The following TRPM7 variants were observed in gnomAD, a reference collection of about 807,000 sequenced individuals.
TRPM7 encodes transient receptor potential cation channel subfamily M member 7.
A neutral mutation model predicts 229.7 loss-of-function variants in TRPM7; 134 were observed. The ratio of observed to expected loss-of-function variants is 0.58; its 90% confidence interval spans 0.51 to 0.67. The LOEUF (loss-of-function observed/expected upper bound fraction) is 0.67, where lower values mean the gene tolerates loss of function less well. TRPM7 is among the 30% of genes least tolerant of loss of function. The probability of loss-of-function intolerance (pLI) is 0.00; values close to 1 mark genes in which losing one functional copy is unlikely to be tolerated. For missense variants in TRPM7, 1,901 were observed against 2,210.0 expected (o/e 0.86, Z 2.80); for synonymous variants, 699 against 715.2 (o/e 0.98, Z 0.36).
chr15:50,666,592 T>C (rs2140938618), intron 1 of TRPM7, among the ~76,000 whole-genome samples: 1 of 151,558 alleles, frequency 6.6e-6, no homozygotes, highest in South Asian at 2.1e-4. Flanking sequence ...TCACCTGACG[T>C]TGGGAGTTCG....
chr15:50,612,012 C>G (rs1231737127), intron 16 of TRPM7, among the ~76,000 whole-genome samples: 1 of 152,246 alleles, frequency 6.6e-6, no homozygotes, highest in Non-Finnish European at 1.5e-5. Flanking sequence ...TCCAACTTCA[C>G]TTCCACCCTT....
chr15:50,624,861 G>C lies in TRPM7; in HGVS notation c.1306-561C>G, dbSNP rs114798247. ...ATTTCATCATAGTTTTTGTTCTACA[G>C]TGAATTTTCCAAAAATACAACCATC... is the stretch of plus-strand genomic sequence containing the variant. On this transcript the variant is annotated intron_variant, in intron 11 of 38. Transcript: ENST00000646667. Among the ~76,000 whole-genome samples the C allele has an allele frequency of 2.6e-3, 400 of 152,278 alleles. 1 individual carries two copies. The highest frequency in any genetic ancestry group is 9.2e-3 in the African/African-American group (384 of 41,554).
chr15:50,655,893 G>C (rs1250929795), intron 3 of TRPM7, among the ~76,000 whole-genome samples: 1 of 152,044 alleles, frequency 6.6e-6, no homozygotes, highest in Non-Finnish European at 1.5e-5. Flanking sequence ...GGGAGGCTGA[G>C]GCAGGAGAAT....
intron 20 of TRPM7, among the ~76,000 whole-genome samples, chr15:50,606,791 G>A (rs538512042): frequency 4.6e-5 from 7 of 152,124 alleles, no homozygotes; most frequent in Admixed American, 1.3e-4. Context: ...GAGCCACCGC[G>A]CCTGGCCTAA....
intron 13 of TRPM7, among the ~76,000 whole-genome samples, chr15:50,615,163 CAAAAAAAAAAAAA>C (rs71124383): frequency 6.3e-5 from 6 of 94,582 alleles, no homozygotes; most frequent in Non-Finnish European, 1.1e-4. Flanking sequence ...GACTTTGTCT[CAAAAAAAAAAAAA>C]AAAAAAAAAA....
At chr15:50,675,328 A>C (rs2062070249) in intron 1 of TRPM7, among the ~76,000 whole-genome samples, 1 of 151,652 alleles carries the variant, frequency 6.6e-6, no homozygotes, top group Admixed American at 6.6e-5. Flanking sequence ...AGGCGACAAG[A>C]GCAAAATTCC....
intron 5 of TRPM7, among the ~76,000 whole-genome samples, chr15:50,643,109 T>TAAAACCTC (rs1362708778): frequency 3.9e-5 from 6 of 152,060 alleles, no homozygotes; most frequent in African/African-American, 1.4e-4. Context: ...ACCAATATGG[T>TAAAACCTC]GAAACCTCGT....
In TRPM7 at chr15:50,611,200, C is replaced by T. The variant is rs367798471; in HGVS notation, c.2173G>A (p.Ala725Thr). 2 of 1,613,804 alleles carry T rather than the reference C, an allele frequency of 1.2e-6. No individual in the cohort carries two copies. The highest frequency in any genetic ancestry group is 1.7e-6 in the Non-Finnish European group (2 of 1,179,940). Reference protein sequence around the residue: ...NWSNSTCLKLAVSSRLRPFVA... With the variant: ...NWSNSTCLKLTVSSRLRPFVA... Reference sequence around the variant, plus strand: ...AAAGGTCTAAGTCTTGAAGAAACTGCTAACTTAAGGCAGGTTGAATTACTC... The same window carrying T: ...AAAGGTCTAAGTCTTGAAGAAACTGTTAACTTAAGGCAGGTTGAATTACTC... The change falls in exon 17 of 39, where the codon GCA becomes ACA. Residue 725 changes from alanine to threonine, a missense_variant. Ala to Thr is a moderately conservative substitution (Grantham distance 58). Around this residue, in one of 8 missense-constraint regions of TRPM7, gnomAD observed 794 missense variants for 881.9 expected, o/e 0.90. Transcript: ENST00000646667.
chr15:50,662,326 CAAAA>C (rs34002511), intron 2 of TRPM7, among the ~76,000 whole-genome samples: 1 of 124,670 alleles, frequency 8.0e-6, no homozygotes, highest in Admixed American at 8.4e-5. Context: ...GACTCTGTTC[CAAAA>C]AAAAAAAAAA....
Position 50,632,999 on chromosome 15 carries a change from T to C in TRPM7, c.1008-7A>G. 1 of 1,578,378 alleles carries C rather than the reference T, an allele frequency of 6.3e-7. No homozygotes were observed. The highest frequency in any genetic ancestry group is 8.5e-7 in the Non-Finnish European group (1 of 1,169,858). On this transcript the variant is annotated splice_polypyrimidine_tract_variant and splice_region_variant and intron_variant, in intron 8 of 38. Coordinates refer to ENST00000646667, the MANE Select transcript of TRPM7 (RefSeq NM_017672.6). ...TGCTGCATCAGGAAGATTCCTGGAA[T>C]AAAAGGAAACATAATTCACTGATTT...
rs774514187 is a variant in TRPM7, at chr15:50,604,949, T to C, written c.2905A>G (p.Ile969Val). Residue 969 changes from isoleucine to valine, a missense_variant, in exon 21 of 39, where the codon ATA becomes GTA. By Grantham distance (29) the Ile-to-Val change is conservative (BLOSUM62 3). Transcript: ENST00000646667. The stretch of plus-strand genomic sequence containing the variant: ...AGCAAACGCACATACCAAAATATTA[T>C]GTTAAGACAGTAAATTAATCTTCCA... Reference protein sequence around the residue: ...VAGRLIYCLNIIFWYVRLLDF... With the variant: ...VAGRLIYCLNVIFWYVRLLDF... 2.5e-6 allele frequency: 4 copies of C among 1,613,810 alleles called. No homozygotes were observed. Among genetic ancestry groups the C allele is most frequent in the African/African-American group, 2.7e-5 (2 of 74,930 alleles).
Position 50,592,182 on chromosome 15 carries a change from A to G in TRPM7, c.4053T>C (p.Ser1351=). 6.2e-7 allele frequency: 1 copy of G among 1,614,168 alleles called. No homozygotes were observed. The highest frequency in any genetic ancestry group is 8.5e-7 in the Non-Finnish European group (1 of 1,180,016). ...CAGCACTTGGGAATAAGGCACCAGA[A>G]GAGGAACCAGCCTCTGGAAAATTAA... is the stretch of plus-strand genomic sequence containing the variant. ...KEFNFPEAGS[S]SGALFPSAVS... Residue 1351 remains serine (S), a synonymous_variant, in exon 26 of 39, where the codon TCT becomes TCC. Coordinates refer to ENST00000646667, the MANE Select transcript of TRPM7 (RefSeq NM_017672.6).
chr15:50,656,520 GAC>G (rs1369728264), intron 3 of TRPM7, among the ~76,000 whole-genome samples: 8 of 142,520 alleles, frequency 5.6e-5, no homozygotes, highest in African/African-American at 2.1e-4. Flanking sequence ...TTTTTTGGTA[GAC>G]ACAGGGTCTC....
intron 36 of TRPM7, among the ~76,000 whole-genome samples, chr15:50,570,411 A>T (rs1476391998): frequency 6.6e-6 from 1 of 152,226 alleles, no homozygotes; most frequent in Non-Finnish European, 1.5e-5. Flanking sequence ...GTAGGTAGGC[A>T]TTAAGTTCCT....
chr15:50,641,939 G>A (rs1469465029), intron 5 of TRPM7, among the ~76,000 whole-genome samples: 1 of 150,968 alleles, frequency 6.6e-6, no homozygotes, highest in Non-Finnish European at 1.5e-5. Context: ...GGTGGAGGTT[G>A]CAGTGAGCTG....
At chr15:50,578,562 G>C (rs1042833387) in intron 31 of TRPM7, 77 bp downstream of exon 31, 2 of 1,415,122 alleles carry the variant, frequency 1.4e-6, no homozygotes, top group Non-Finnish European at 9.9e-7. Flanking sequence ...ATCTTACCTA[G>C]AATAATGTGG....
In TRPM7 at chr15:50,559,144, C is replaced by G. The variant is rs1316203245; in HGVS notation, c.*2534G>C. ...TCAGCTCACTGCAACCTCCACCTCC[C>G]AGGTTCAAGCAATTCTCCTGCCTCA... is the stretch of plus-strand genomic sequence containing the variant. On this transcript the variant is annotated 3_prime_UTR_variant, in exon 39 of 39. Coordinates refer to ENST00000646667, the MANE Select transcript of TRPM7 (RefSeq NM_017672.6). 1 of 152,388 alleles carries G rather than the reference C, an allele frequency of 6.6e-6. No homozygotes were observed. Among genetic ancestry groups the G allele is most frequent in the African/African-American group, 2.4e-5 (1 of 41,390 alleles). The allele number at this position is 152,388 out of a possible 1,614,324, so 9.4% of individuals were successfully genotyped here.
chr15:50,610,925 G>A (rs1003546245), intron 17 of TRPM7, among the ~76,000 whole-genome samples, 168 bp downstream of exon 17: 1 of 152,076 alleles, frequency 6.6e-6, no homozygotes, highest in African/African-American at 2.4e-5. Context: ...GAGGAAAAAA[G>A]AAGCCCATTA....
chr15:50,662,371 TAAGTA>T (rs2061747664), intron 2 of TRPM7, among the ~76,000 whole-genome samples: 3 of 151,996 alleles, frequency 2.0e-5, no homozygotes, highest in Admixed American at 1.3e-4. Flanking sequence ...CAAAAATGTT[TAAGTA>T]AATATTTCAT....
Sources: gnomAD v4.1 joint callset for allele counts (sites outside exome capture counted in the v4.1 genomes callset) on GRCh38, gnomAD v4.1.1 for gene constraint, gnomAD v4.1.1 regional missense constraint, MANE v1.5 for transcripts, NCBI Gene and HGNC (gene_info 2026-07-23, HGNC 2026-07-21) for gene names.